Variants in CCDC3 observed in about 807,000 individuals in gnomAD.
CCDC3 encodes the protein coiled-coil domain containing 3.
Under a neutral mutation model 21.4 loss-of-function variants are expected in CCDC3, and 24 were observed. The observed-to-expected ratio is 1.12, with a 90% CI of 0.81 to 1.58. The LOEUF (loss-of-function observed/expected upper bound fraction) is 1.58. Ranked by LOEUF, CCDC3 falls within the 40% of genes most tolerant of loss-of-function variation. The pLI, the probability that CCDC3 is intolerant of heterozygous loss-of-function variation, is 0.00. For missense variants in CCDC3, 425 were observed against 360.9 expected (o/e 1.18, Z -1.44); for synonymous variants, 186 against 166.0 (o/e 1.12, Z -0.93).
At chr10:13,040,351 G>GCTC (rs1836436057) in intron 5 of CCDC3, among the ~76,000 whole-genome samples, 3 of 152,162 alleles carry the variant, frequency 2.0e-5, no homozygotes, top group Non-Finnish European at 4.4e-5. Flanking sequence ...GTGACAAAAG[G>GCTC]AAGTGAGCCT....
chr10:13,021,908 C>T (rs902197201), intron 5 of CCDC3, among the ~76,000 whole-genome samples: 8 of 152,042 alleles, frequency 5.3e-5, no homozygotes, highest in South Asian at 2.1e-4. Flanking sequence ...TACAGGTGCA[C>T]GCCACCATGC....
intron 4 of CCDC3, among the ~76,000 whole-genome samples, chr10:13,061,751 T>C (rs947436972): frequency 6.6e-6 from 1 of 152,214 alleles, no homozygotes; most frequent in Non-Finnish European, 1.5e-5. Flanking sequence ...CTGGGATCAA[T>C]AGAAAGGAAA....
chr10:12,937,442 C>T (rs78507841), intron 2 of CCDC3, among the ~76,000 whole-genome samples: 1,650 of 152,196 alleles, frequency 0.011, 20 homozygotes, highest in Middle Eastern at 0.02. Flanking sequence ...CATCATGTCA[C>T]GTTCTATCTC....
chr10:12,992,358 C>T (rs1427292110), intron 2 of CCDC3, among the ~76,000 whole-genome samples: 2 of 152,158 alleles, frequency 1.3e-5, no homozygotes, highest in African/African-American at 4.8e-5. Context: ...CACTGCACTC[C>T]AGCCTGGGCA....
In CCDC3 at chr10:13,016,348, A is replaced by C. The variant is rs116468636; in HGVS notation, c.-1-17836T>G. Reference sequence around the variant, plus strand: ...TTTGGTAAAGCGAAAAAAAAAAAAAAAAAACACAACTTTCTTTTACATTTG... The same window carrying C: ...TTTGGTAAAGCGAAAAAAAAAAAAACAAAACACAACTTTCTTTTACATTTG... On this transcript the variant is annotated intron_variant, in intron 5 of 6. Coordinates refer to the CCDC3 transcript ENST00000378839. Among the ~76,000 whole-genome samples the C allele has an allele frequency of 6.6e-3, 1,001 of 151,906 alleles. 12 individuals carry two copies. Among genetic ancestry groups the C allele is most frequent in the African/African-American group, 0.023 (955 of 41,446 alleles).
chr10:13,085,038 G>T (rs1837086326), intron 3 of CCDC3, among the ~76,000 whole-genome samples: 4 of 152,188 alleles, frequency 2.6e-5, no homozygotes, highest in South Asian at 2.1e-4. Context: ...GGGAAGAAGA[G>T]AACTATTTTC....
At chr10:13,005,055 T>G (rs1157358393), upstream of CCDC3, among the ~76,000 whole-genome samples, 1 of 152,138 alleles carries the variant, frequency 6.6e-6, no homozygotes, top group Non-Finnish European at 1.5e-5. Context: ...ACCAAACCAC[T>G]AGCAACTGCC....
At chr10:13,008,505 G>T (rs1835949789) in intron 5 of CCDC3, among the ~76,000 whole-genome samples, 1 of 152,070 alleles carries the variant, frequency 6.6e-6, no homozygotes, top group South Asian at 2.1e-4. Context: ...ACACACAAGA[G>T]GTTGATCAAA....
rs116420056 is a variant in CCDC3, at chr10:13,047,082, A to G, written c.-2+2592T>C. On this transcript the variant is annotated intron_variant, in intron 5 of 6. Transcript: ENST00000378839. The stretch of plus-strand genomic sequence containing the variant: ...TTGCATTTATGAAGCAGCTGTTACG[A>G]AAGAGGAGACAGAACAGAGAGACTC... Among the ~76,000 whole-genome samples, 507 of 152,274 alleles carry G rather than the reference A, an allele frequency of 3.3e-3. 2 individuals carry two copies. The highest frequency in any genetic ancestry group is 0.011 in the African/African-American group (459 of 41,530).
In CCDC3 at chr10:13,025,490, C is replaced by T. The variant is rs567541572; in HGVS notation, c.-2+24184G>A. The stretch of plus-strand genomic sequence containing the variant: ...GAGAGCCACCAAATTCTATCACAGC[C>T]TTCATTTGGTTGAACAAATGACTTA... On this transcript the variant is annotated intron_variant, in intron 5 of 6. Transcript: ENST00000378839. Among the ~76,000 whole-genome samples, 3 of 152,278 alleles carry T rather than the reference C, an allele frequency of 2.0e-5. No individual in the cohort carries two copies. In the East Asian group the frequency reaches 5.8e-4, roughly 29 times the overall value.
At chr10:13,062,378 G>T (rs1836768009) in intron 4 of CCDC3, among the ~76,000 whole-genome samples, 1 of 152,164 alleles carries the variant, frequency 6.6e-6, no homozygotes. Context: ...GCCATGGGAT[G>T]CTTTTTTTGT....
intron 3 of CCDC3, among the ~76,000 whole-genome samples, chr10:13,093,440 G>T (rs1267879271): frequency 6.6e-6 from 1 of 152,166 alleles, no homozygotes; most frequent in Non-Finnish European, 1.5e-5. Flanking sequence ...TTCAAGATGA[G>T]ATTTGGGTGG....
chr10:12,905,269 C>A (rs1834152505), intron 2 of CCDC3, among the ~76,000 whole-genome samples: 1 of 152,216 alleles, frequency 6.6e-6, no homozygotes, highest in Non-Finnish European at 1.5e-5. Context: ...TTTTATTAGA[C>A]CACAGCTATA....
intron 2 of CCDC3, among the ~76,000 whole-genome samples, chr10:12,972,692 C>A (rs1180366335): frequency 6.6e-6 from 1 of 152,112 alleles, no homozygotes; most frequent in Non-Finnish European, 1.5e-5. Context: ...TGGTGGGTAC[C>A]TGTAACCCCA....
In CCDC3 at chr10:12,931,802, G is replaced by C. The variant is rs191547081; in HGVS notation, c.550-33123C>G. Among the ~76,000 whole-genome samples, 339 of 152,318 alleles carry C rather than the reference G, an allele frequency of 2.2e-3. 4 individuals carry two copies. Among genetic ancestry groups the C allele is most frequent in the African/African-American group, 7.8e-3 (326 of 41,572 alleles). ...AGATCCTAAACTGTCCACATTTCAA[G>C]AATTAGGTCCTGTGTGTTTCTTCCA... On this transcript the variant is annotated intron_variant, in intron 2 of 2. Transcript: ENST00000378825.
intron 2 of CCDC3, among the ~76,000 whole-genome samples, chr10:12,959,693 T>A (rs1835149647): frequency 6.6e-6 from 1 of 152,128 alleles, no homozygotes; most frequent in African/African-American, 2.4e-5. Flanking sequence ...CTCCTTGGTT[T>A]ATAGCCAAAT....
chr10:13,028,143 G>A (rs950760282), intron 5 of CCDC3, among the ~76,000 whole-genome samples: 3 of 152,180 alleles, frequency 2.0e-5, no homozygotes, highest in Non-Finnish European at 2.9e-5. Flanking sequence ...ATCCCCATGT[G>A]TCATGAGAGG....
rs551591901 is a variant in CCDC3, at chr10:12,924,100, A to G, written c.550-25421T>C. Among the ~76,000 whole-genome samples, 20 of 152,310 alleles carry G rather than the reference A, an allele frequency of 1.3e-4. No homozygotes were observed. In the East Asian group the frequency reaches 2.7e-3, roughly 21 times the overall value. The stretch of plus-strand genomic sequence containing the variant: ...GCCTCAGTTTCTGCTTTAAGCACCT[A>G]CTATCATTAAAATAGTTTATGCAAC... On this transcript the variant is annotated intron_variant, in intron 2 of 2. Transcript: ENST00000378825.
intron 2 of CCDC3, among the ~76,000 whole-genome samples, chr10:12,968,202 TACAC>T (rs71386134): frequency 1.7e-4 from 24 of 143,574 alleles, no homozygotes; most frequent in African/African-American, 3.5e-4. Context: ...CACACACACA[TACAC>T]ACACACACAC....
Sources: allele counts gnomAD v4.1 joint callset (sites outside exome capture counted in the v4.1 genomes callset), GRCh38; gene constraint gnomAD v4.1.1; transcripts MANE v1.5; gene names NCBI Gene and HGNC (gene_info 2026-07-23, HGNC 2026-07-21).